FBXO45: variants seen among roughly 807,000 people sequenced by gnomAD.
FBXO45 encodes the protein F-box protein 45, also known as F-box/SPRY domain-containing protein 1.
A neutral mutation model predicts 25.5 loss-of-function variants in FBXO45; 3 were observed. The observed-to-expected ratio is 0.12, with a 90% CI of 0.05 to 0.30. The LOEUF (loss-of-function observed/expected upper bound fraction) is 0.30. Among genes scored for constraint, FBXO45 ranks in the 10% least tolerant of loss-of-function variants. The pLI, the probability that FBXO45 is intolerant of heterozygous loss-of-function variation, is 1.00. For synonymous variants in FBXO45, 155 were observed against 149.8 expected, an observed-to-expected ratio of 1.03 and a Z score of -0.25; for missense variants, 219 against 365.0, an observed-to-expected ratio of 0.60 and a Z score of 3.26.
rs1479203306 is a variant in FBXO45, at chr3:196,584,496, G to A, written c.*178G>A. 9 of 574,484 alleles carry A rather than the reference G, an allele frequency of 1.6e-5. No homozygotes were observed. The highest frequency in any genetic ancestry group is 2.6e-5 in the Non-Finnish European group (9 of 346,616). 35.6% of individuals were successfully genotyped at this position (574,484 alleles called of 1,614,324 possible). A position where few individuals can be genotyped will look rare whatever the true frequency, so the allele number is the denominator to read the frequency against. Reference sequence around the variant, plus strand: ...TCTTCGTGTTTCCTCTTTCTACTGGGCCAGAAAAATCCTCAGGGTTGCAGT... The same window carrying A: ...TCTTCGTGTTTCCTCTTTCTACTGGACCAGAAAAATCCTCAGGGTTGCAGT... On this transcript the variant is annotated 3_prime_UTR_variant, in exon 3 of 3. Coordinates refer to ENST00000311630, the MANE Select transcript of FBXO45 (RefSeq NM_001105573.2). The surrounding 1 kb of genome is among the most constrained non-coding windows in gnomAD (Gnocchi z 4.3).
intron 2 of FBXO45, among the ~76,000 whole-genome samples, chr3:196,578,496 A>G (rs1735955470): frequency 6.6e-6 from 1 of 150,892 alleles, no homozygotes; most frequent in Non-Finnish European, 1.5e-5. Flanking sequence ...TGCAGTCCAT[A>G]TGGTCTCTGT....
chr3:196,583,334 G>A (rs1000843650), intron 2 of FBXO45, among the ~76,000 whole-genome samples: 17 of 151,878 alleles, frequency 1.1e-4, no homozygotes, highest in Admixed American at 9.8e-4. Flanking sequence ...GGTGAAACCC[G>A]TCTCTACTAA....
In FBXO45 at chr3:196,569,130, C is replaced by T; in HGVS notation, c.146C>T (p.Ser49Phe). The T allele has an allele frequency of 6.5e-7, 1 of 1,547,124 alleles. No individual in the cohort carries two copies. The highest frequency in any genetic ancestry group is 8.7e-7 in the Non-Finnish European group (1 of 1,144,584). The change falls in exon 1 of 3, where the codon TCT becomes TTT. Residue 49 changes from serine (S) to phenylalanine (F), a missense_variant. Coordinates refer to ENST00000311630, the MANE Select transcript of FBXO45 (RefSeq NM_001105573.2). This position sits in a 1 kb window ranked among gnomAD's most constrained non-coding sequence, Gnocchi z 4.1. ...LPSRVLELVF[S>F]YLELSELRSC... ...AGCCGGGTGCTGGAGTTGGTGTTCT[C>T]TTACCTGGAGCTGTCCGAGCTGCGG...
chr3:196,577,266 AT>A (rs35382597), intron 1 of FBXO45, among the ~76,000 whole-genome samples, 186 bp from the exon 2 acceptor site: 43,074 of 152,122 alleles, frequency 0.28, 7,083 homozygotes, highest in East Asian at 0.65. Context: ...GTTGGCATTT[AT>A]TTTTTAATGT....
Position 196,577,918 on chromosome 3 carries a change from T to A in FBXO45, c.675+109T>A, listed in dbSNP as rs183879512. 1.3e-5 allele frequency: 8 copies of A among 618,352 alleles called. No individual in the cohort carries two copies. The African/African-American group carries it at 1.5e-4, about 12-fold the overall frequency. 38.3% of individuals were successfully genotyped at this position (618,352 alleles called of 1,614,324 possible). ...CAGTTTTTGTCTTTTTGGTAATTTT[T>A]ATTTTTATTATTTTTTTATTTTTTC... On this transcript the variant is annotated intron_variant, in intron 2 of 2. Coordinates refer to ENST00000311630, the MANE Select transcript of FBXO45 (RefSeq NM_001105573.2).
At chr3:196,575,433 G>A (rs1735896400) in intron 1 of FBXO45, among the ~76,000 whole-genome samples, 1 of 148,846 alleles carries the variant, frequency 6.7e-6, no homozygotes, top group Non-Finnish European at 1.5e-5. Context: ...ACTCCAGCTT[G>A]GGTGACAGAG....
chr3:196,573,154 C>T (rs1364785792), intron 1 of FBXO45, among the ~76,000 whole-genome samples: 1 of 151,804 alleles, frequency 6.6e-6, no homozygotes, highest in Non-Finnish European at 1.5e-5. Flanking sequence ...GGCTAGGTTT[C>T]GAAGAAATGG....
Position 196,569,137 on chromosome 3 carries a change from G to A in FBXO45, c.153G>A (p.Leu51=). The change falls in exon 1 of 3, where the codon CTG becomes CTA. Residue 51 remains leucine, a synonymous_variant. Transcript: ENST00000311630. The surrounding 1 kb of genome is among the most constrained non-coding windows in gnomAD (Gnocchi z 4.1). Reference sequence around the variant, plus strand: ...TGCTGGAGTTGGTGTTCTCTTACCTGGAGCTGTCCGAGCTGCGGAGCTGCG... The same window carrying A: ...TGCTGGAGTTGGTGTTCTCTTACCTAGAGCTGTCCGAGCTGCGGAGCTGCG... ...SRVLELVFSY[L]ELSELRSCAL... 6.5e-7 allele frequency: 1 copy of A among 1,549,534 alleles called. No homozygotes were observed. The highest frequency in any genetic ancestry group is 2.4e-5 in the East Asian group (1 of 40,878).
intron 1 of FBXO45, among the ~76,000 whole-genome samples, chr3:196,570,184 A>G (rs956682068): frequency 2.0e-5 from 3 of 152,224 alleles, no homozygotes; most frequent in African/African-American, 7.2e-5. Flanking sequence ...AATCAAGATC[A>G]TATATAAGAG....
intron 2 of FBXO45, among the ~76,000 whole-genome samples, chr3:196,582,502 A>G (rs1221685568): frequency 2.0e-5 from 3 of 152,206 alleles, no homozygotes; most frequent in South Asian, 2.1e-4. Flanking sequence ...GTAAATGACA[A>G]TAGTAGGGGT....
chr3:196,569,396 G>C lies in FBXO45; in HGVS notation c.318+94G>C, dbSNP rs1450933439. On this transcript the variant is annotated intron_variant, in intron 1 of 2. Transcript: ENST00000311630. The surrounding 1 kb of genome is among the most constrained non-coding windows in gnomAD (Gnocchi z 4.1). ...TCCGAGCTTCTGAGTCAGAAGCTTC[G>C]CCTCACCAGCCCGCCTTTCCACGGC... is the stretch of plus-strand genomic sequence containing the variant. 1 of 1,245,312 alleles carries C rather than the reference G, an allele frequency of 8.0e-7. No individual in the cohort carries two copies. The highest frequency in any genetic ancestry group is 1.5e-5 in the African/African-American group (1 of 66,460). 77.1% of individuals were successfully genotyped at this position (1,245,312 alleles called of 1,614,324 possible).
In FBXO45 at chr3:196,568,844, G is replaced by T. The variant is rs1272578150; in HGVS notation, c.-141G>T. 1.9e-6 allele frequency: 1 copy of T among 521,090 alleles called. No homozygotes were observed. The highest frequency in any genetic ancestry group is 2.5e-6 in the Non-Finnish European group (1 of 405,452). 32.3% of individuals were successfully genotyped at this position (521,090 alleles called of 1,614,324 possible). On this transcript the variant is annotated 5_prime_UTR_variant, in exon 1 of 3. Transcript: ENST00000311630. ...GGCGGACGCCCCCGGGCAGGGGCGG[G>T]AGTGGTGGAGGCGCCGGCGGTTGGC... is the stretch of plus-strand genomic sequence containing the variant.
chr3:196,578,058 T>TTTTTTTTTTTTTTTTTG (rs1560318212), intron 2 of FBXO45, among the ~76,000 whole-genome samples: 2 of 95,110 alleles, frequency 2.1e-5, no homozygotes, highest in Non-Finnish European at 4.7e-5. Flanking sequence ...TTTTTTTTTT[T>TTTTTTTTTTTTTTTTTG]TAGACAGAAT....
Position 196,584,476 on chromosome 3 carries a change from G to A in FBXO45, c.*158G>A, listed in dbSNP as rs567298679. 2.5e-5 allele frequency: 16 copies of A among 646,530 alleles called. No individual in the cohort carries two copies. Among genetic ancestry groups the A allele is most frequent in the Middle Eastern group, 2.8e-4 (1 of 3,636 alleles). The allele number at this position is 646,530 out of a possible 1,614,324, so 40.0% of individuals were successfully genotyped here. A position where few individuals can be genotyped will look rare whatever the true frequency, so the allele number is the denominator to read the frequency against. On this transcript the variant is annotated 3_prime_UTR_variant, in exon 3 of 3. Coordinates refer to ENST00000311630, the MANE Select transcript of FBXO45 (RefSeq NM_001105573.2). This position sits in a 1 kb window ranked among gnomAD's most constrained non-coding sequence, Gnocchi z 4.3. ...CAGCTCTACAGCAGAGATTATCTTC[G>A]TGTTTCCTCTTTCTACTGGGCCAGA...
At chr3:196,572,930 T>C (rs2108726187) in intron 1 of FBXO45, among the ~76,000 whole-genome samples, 1 of 149,854 alleles carries the variant, frequency 6.7e-6, no homozygotes, top group Middle Eastern at 3.4e-3. Flanking sequence ...TTGATCTAGA[T>C]TTTTTTTTTG....
At position 196,577,656 on chromosome 3, in the gene FBXO45, C is replaced by G; in HGVS notation, c.522C>G (p.Ala174=). 6.2e-7 allele frequency: 1 copy of G among 1,613,682 alleles called. No individual in the cohort carries two copies. The highest frequency in any genetic ancestry group is 8.5e-7 in the Non-Finnish European group (1 of 1,179,728). The change falls in exon 2 of 3, where the codon GCC becomes GCG. Residue 174 remains alanine, a synonymous_variant. Coordinates refer to ENST00000311630, the MANE Select transcript of FBXO45 (RefSeq NM_001105573.2). ...GCACTGTGGCAGTGATTGGAATTGC[C>G]ACAAAACGGGCCCCCATGCAGTGCC... is the stretch of plus-strand genomic sequence containing the variant. ...PLGTVAVIGI[A]TKRAPMQCQG...
At chr3:196,582,486 A>G (rs1736029454) in intron 2 of FBXO45, among the ~76,000 whole-genome samples, 1 of 152,232 alleles carries the variant, frequency 6.6e-6, no homozygotes, top group Non-Finnish European at 1.5e-5. Flanking sequence ...AATACAGTGA[A>G]GGAAAGTAAA....
At chr3:196,575,557 TATTA>T (rs1188454109) in intron 1 of FBXO45, among the ~76,000 whole-genome samples, 5 of 151,734 alleles carry the variant, frequency 3.3e-5, no homozygotes, top group Non-Finnish European at 2.9e-5. Context: ...CATAGGGAAA[TATTA>T]ATTAAATATT....
At position 196,588,389 on chromosome 3, in the gene FBXO45, T is replaced by C. The variant is rs11711139; in HGVS notation, c.*4071T>C. On this transcript the variant is annotated 3_prime_UTR_variant, in exon 3 of 3. Transcript: ENST00000311630. The surrounding 1 kb of genome is among the most constrained non-coding windows in gnomAD (Gnocchi z 4.2). ...ATTTAAGGAGTTTTAAAGGTTAGCA[T>C]TGAAAAGATTACTTTCCAGAAATTG... 0.29 allele frequency: 43,637 copies of C among 152,076 alleles called. 6,641 individuals carry two copies. The highest frequency in any genetic ancestry group is 0.37 in the African/African-American group (15,187 of 41,436). 9.4% of individuals were successfully genotyped at this position (152,076 alleles called of 1,614,324 possible). A position where few individuals can be genotyped will look rare whatever the true frequency, so the allele number is the denominator to read the frequency against.
Sources: gnomAD v4.1 joint callset for allele counts (sites outside exome capture counted in the v4.1 genomes callset) on GRCh38, gnomAD v4.1.1 for gene constraint, Gnocchi (gnomAD v3.1) non-coding constraint, MANE v1.5 for transcripts, NCBI Gene and HGNC (gene_info 2026-07-23, HGNC 2026-07-21) for gene names.